The following GATAD2B variants were observed in gnomAD, a reference collection of about 807,000 sequenced individuals.
GATAD2B encodes the protein transcriptional repressor p66-beta.
Under a neutral mutation model 64.3 loss-of-function variants are expected in GATAD2B, and 8 were observed. The observed-to-expected ratio is 0.12, with a 90% CI of 0.07 to 0.22. The LOEUF is 0.22. Among genes scored for constraint, GATAD2B ranks in the 10% least tolerant of loss-of-function variants. The pLI is 1.00. For missense variants in GATAD2B, 453 were observed against 752.0 expected (o/e 0.60, Z 4.65); for synonymous variants, 281 against 271.3 (o/e 1.04, Z -0.35).
At chr1:153,826,361 G>C (rs1425934956) in intron 2 of GATAD2B, among the ~76,000 whole-genome samples, 1 of 152,026 alleles carries the variant, frequency 6.6e-6, no homozygotes, top group African/African-American at 2.4e-5. Context: ...GGGTGTGATG[G>C]CTCATGCCTA....
intron 1 of GATAD2B, among the ~76,000 whole-genome samples, chr1:153,837,580 T>C (rs1019419295): frequency 6.6e-6 from 1 of 152,152 alleles, no homozygotes; most frequent in African/African-American, 2.4e-5. Context: ...AATTTCATGT[T>C]ACATATATTT....
At chr1:153,841,269 AAGC>A (rs1675485271) in intron 1 of GATAD2B, among the ~76,000 whole-genome samples, 1 of 152,208 alleles carries the variant, frequency 6.6e-6, no homozygotes, top group Non-Finnish European at 1.5e-5. Flanking sequence ...TTGATACAAT[AAGC>A]AGATCTTCAG....
intron 2 of GATAD2B, among the ~76,000 whole-genome samples, chr1:153,827,178 C>G (rs1181083097): frequency 1.3e-5 from 2 of 148,778 alleles, no homozygotes; most frequent in Admixed American, 6.8e-5. Context: ...GGGGGAAGAT[C>G]GCTTGAATCC....
At chr1:153,840,335 G>GA (rs1675436093) in intron 1 of GATAD2B, among the ~76,000 whole-genome samples, 1 of 129,754 alleles carries the variant, frequency 7.7e-6, no homozygotes, top group African/African-American at 2.7e-5. Context: ...GCGCCCTGCT[G>GA]AAAATACTTA....
intron 1 of GATAD2B, chr1:153,853,180 C>T: frequency 1.6e-6 from 2 of 1,258,184 alleles, no homozygotes; most frequent in Non-Finnish European, 1.2e-6. Context: ...ATATTGGCAA[C>T]TGCAATTTGC....
chr1:153,863,672 G>A (rs1236642788), intron 1 of GATAD2B, among the ~76,000 whole-genome samples: 3 of 151,368 alleles, frequency 2.0e-5, no homozygotes, highest in South Asian at 2.1e-4. Context: ...TCTTCAGGCT[G>A]GAGTGCAGCT....
intron 1 of GATAD2B, among the ~76,000 whole-genome samples, chr1:153,892,472 C>T (rs138629083): frequency 2.8e-3 from 421 of 152,188 alleles, no homozygotes; most frequent in Admixed American, 3.9e-3. Context: ...CATCATCACT[C>T]ACCTAGAACT....
intron 2 of GATAD2B, among the ~76,000 whole-genome samples, chr1:153,825,033 C>A (rs771627472): frequency 6.6e-6 from 1 of 151,744 alleles, no homozygotes; most frequent in Non-Finnish European, 1.5e-5. Context: ...TTGCAGTGAA[C>A]GGACATCATG....
chr1:153,860,322 G>A (rs142535499), intron 1 of GATAD2B, among the ~76,000 whole-genome samples: 4 of 152,064 alleles, frequency 2.6e-5, no homozygotes. Context: ...ATGGTATGTA[G>A]TTAAACTATT....
At chr1:153,915,939 CAGTA>C (rs1410641171) in intron 1 of GATAD2B, among the ~76,000 whole-genome samples, 1 of 152,054 alleles carries the variant, frequency 6.6e-6, no homozygotes, top group East Asian at 1.9e-4. Flanking sequence ...GTAGAATAAT[CAGTA>C]AGTGTTAGAC....
chr1:153,875,135 C>T (rs1676783710), intron 1 of GATAD2B, among the ~76,000 whole-genome samples: 1 of 152,102 alleles, frequency 6.6e-6, no homozygotes, highest in African/African-American at 2.4e-5. Context: ...GCCTAGGCCT[C>T]CCAAAGTGCT....
intron 1 of GATAD2B, among the ~76,000 whole-genome samples, chr1:153,895,993 T>TAA (rs376526598): frequency 0.034 from 4,383 of 128,578 alleles, 108 homozygotes; most frequent in South Asian, 0.052. Flanking sequence ...GACTCTGTCT[T>TAA]AAAAAAAAAA....
chr1:153,888,078 C>G (rs1378409086), intron 1 of GATAD2B, among the ~76,000 whole-genome samples: 4 of 149,392 alleles, frequency 2.7e-5, no homozygotes, highest in African/African-American at 9.9e-5. Context: ...CACAGTGAGG[C>G]TCTATCTCAA....
chr1:153,872,436 T>A (rs1190239219), intron 1 of GATAD2B, among the ~76,000 whole-genome samples: 1 of 151,984 alleles, frequency 6.6e-6, no homozygotes, highest in Admixed American at 6.6e-5. Flanking sequence ...GTCTACTTTA[T>A]ACTTTGAGTG....
chr1:153,807,918 A>T lies in GATAD2B; in HGVS notation c.*2259T>A, dbSNP rs1674159322. ...GGAGGGAGGAAGAGGCTAGACAGACATGCCACAAGGCAAGATGACTTGTGG... is the reference window on the plus strand; with the variant it reads ...GGAGGGAGGAAGAGGCTAGACAGACTTGCCACAAGGCAAGATGACTTGTGG... On this transcript the variant is annotated 3_prime_UTR_variant, in exon 11 of 11. Coordinates refer to ENST00000368655, the MANE Select transcript of GATAD2B (RefSeq NM_020699.4). 6.6e-6 allele frequency: 1 copy of T among 152,620 alleles called. No homozygotes were observed. The highest frequency in any genetic ancestry group is 1.5e-5 in the Non-Finnish European group (1 of 68,038). 9.5% of individuals were successfully genotyped at this position (152,620 alleles called of 1,614,324 possible).
chr1:153,820,974 A>ATTTTTTTTTTT (rs869096882), intron 2 of GATAD2B, among the ~76,000 whole-genome samples: 16 of 50,868 alleles, frequency 3.1e-4, no homozygotes, highest in African/African-American at 1.4e-3. Context: ...GGCACATGGA[A>ATTTTTTTTTTT]TTTTTTTTTT....
At chr1:153,810,399 A>T in intron 10 of GATAD2B, 89 bp from the exon 11 acceptor site, 2 of 1,338,116 alleles carry the variant, frequency 1.5e-6, no homozygotes, top group South Asian at 2.5e-5. Context: ...AGAGTTGGAG[A>T]TGGAAAGGAA....
chr1:153,843,010 TG>T (rs1301301188), intron 1 of GATAD2B, among the ~76,000 whole-genome samples: 1 of 148,334 alleles, frequency 6.7e-6, no homozygotes, highest in Non-Finnish European at 1.5e-5. Context: ...TGGAGTGCAG[TG>T]GACCATGTCG....
chr1:153,844,188 A>C (rs1675599762), intron 1 of GATAD2B, among the ~76,000 whole-genome samples: 1 of 152,138 alleles, frequency 6.6e-6, no homozygotes, highest in African/African-American at 2.4e-5. Context: ...AGCACATGTG[A>C]CTGAGGAAAC....
Sources: gnomAD v4.1 joint callset for allele counts (sites outside exome capture counted in the v4.1 genomes callset) on GRCh38, gnomAD v4.1.1 for gene constraint, MANE v1.5 for transcripts, NCBI Gene and HGNC (gene_info 2026-07-23, HGNC 2026-07-21) for gene names.